INPP5A: variants seen among roughly 807,000 people sequenced by gnomAD.
INPP5A encodes inositol polyphosphate-5-phosphatase A, also known as 43 kDa inositol polyphosphate 5-phophatase.
Under a neutral mutation model 65.2 loss-of-function variants are expected in INPP5A, and 14 were observed. The ratio of observed to expected loss-of-function variants is 0.21; its 90% CI spans 0.14 to 0.34. INPP5A has a LOEUF of 0.34. INPP5A is among the 10% of genes least tolerant of loss of function. The probability of loss-of-function intolerance (pLI) is 1.00; values close to 1 mark genes in which losing one functional copy is unlikely to be tolerated. For missense variants in INPP5A, 431 were observed against 545.6 expected (o/e 0.79, Z 2.09); for synonymous variants, 207 against 208.3 (o/e 0.99, Z 0.05).
Position 132,616,576 on chromosome 10 carries a change from G to GGGGATGGGGTGGTGACAT in INPP5A, c.117+8627_117+8644dup, listed in dbSNP as rs2072036477. On this transcript the variant is annotated intron_variant, in intron 2 of 15. Coordinates refer to ENST00000368594, the MANE Select transcript of INPP5A (RefSeq NM_005539.5). The surrounding 1 kb of genome is among the most constrained non-coding windows in gnomAD (Gnocchi z 4.9). ...GGTGACATAGTGTGTGTTGGTGATA[G>GGGGATGGGGTGGTGACAT]GGGATGGGGTGGTGACATGGGATGT... 6.6e-6 allele frequency among the ~76,000 whole-genome samples: 1 copy of GGGGATGGGGTGGTGACAT among 152,062 alleles called. No individual in the cohort carries two copies. The highest frequency in any genetic ancestry group is 2.4e-5 in the African/African-American group (1 of 41,392).
rs186036830 is a variant in INPP5A at position 132,682,281 on chromosome 10, T to G, written c.307-8111T>G. On this transcript the variant is annotated intron_variant, in intron 4 of 15. Coordinates refer to ENST00000368594, the MANE Select transcript of INPP5A (RefSeq NM_005539.5). Reference sequence around the variant, plus strand: ...GTTGCTGGTCGGGAACAGTCTCAGCTGGGAAGGTGGACAGTGTCCTGGAGA... The same window carrying G: ...GTTGCTGGTCGGGAACAGTCTCAGCGGGGAAGGTGGACAGTGTCCTGGAGA... Among the ~76,000 whole-genome samples, 385 of 150,286 alleles carry G rather than the reference T, an allele frequency of 2.6e-3. 2 individuals carry two copies. Among genetic ancestry groups the G allele is most frequent in the African/African-American group, 9.0e-3 (373 of 41,372 alleles).
chr10:132,544,638 T>TTGA (rs748510695), intron 1 of INPP5A, among the ~76,000 whole-genome samples: 52 of 152,230 alleles, frequency 3.4e-4, no homozygotes, highest in Non-Finnish European at 1.5e-4. Context: ...CGTCTAAATC[T>TTGA]TGAACACCTC....
intron 9 of INPP5A, among the ~76,000 whole-genome samples, chr10:132,736,232 G>A (rs1026059709): frequency 3.3e-5 from 5 of 152,224 alleles, no homozygotes; most frequent in Non-Finnish European, 7.3e-5. Flanking sequence ...TGCCTCGCGC[G>A]GTGGCAACTG....
At chr10:132,634,779 C>T (rs1034627643) in intron 2 of INPP5A, among the ~76,000 whole-genome samples, 3 of 152,238 alleles carry the variant, frequency 2.0e-5, no homozygotes, top group South Asian at 2.1e-4. Context: ...TGAATGTTGC[C>T]GCCACTGCGG....
Position 132,703,538 on chromosome 10 carries a change from TACACACACGTGGCTTCACCCAC to T in INPP5A, c.475-4754_475-4733del, listed in dbSNP as rs1231120536. 3.1e-3 allele frequency among the ~76,000 whole-genome samples: 356 copies of T among 114,918 alleles called. 1 individual carries two copies. Among genetic ancestry groups the T allele is most frequent in the African/African-American group, 0.012 (346 of 28,936 alleles). 75.4% of individuals were successfully genotyped at this position (114,918 alleles called of 152,430 possible). ...ACACACACACACTCACATTTACCCATACACACACGTGGCTTCACCCACACACACACGTGGCTTCACCCCTGCA... is the reference window on the plus strand; with the variant it reads ...ACACACACACACTCACATTTACCCATACACACACGTGGCTTCACCCCTGCA... On this transcript the variant is annotated intron_variant, in intron 6 of 15. Transcript: ENST00000368594.
chr10:132,684,834 G>T (rs562428976), intron 4 of INPP5A, among the ~76,000 whole-genome samples: 15 of 152,188 alleles, frequency 9.9e-5, no homozygotes, highest in African/African-American at 3.4e-4. Context: ...GCATGGTTTC[G>T]TGCCCCTGGG....
In INPP5A at chr10:132,706,600, A is replaced by C. The variant is rs1216501904; in HGVS notation, c.475-1713A>C. On this transcript the variant is annotated intron_variant, in intron 6 of 15. Transcript: ENST00000368594. The surrounding 1 kb of genome is among the most constrained non-coding windows in gnomAD (Gnocchi z 4.7). ...ACGGGAAGGGTTGGCTGGCTTCAGCATCACCCCCACCAGTGTGTGGGGCTT... is the reference window on the plus strand; with the variant it reads ...ACGGGAAGGGTTGGCTGGCTTCAGCCTCACCCCCACCAGTGTGTGGGGCTT... 6.6e-6 allele frequency among the ~76,000 whole-genome samples: 1 copy of C among 152,204 alleles called. No homozygotes were observed. The highest frequency in any genetic ancestry group is 1.5e-5 in the Non-Finnish European group (1 of 68,046).
intron 1 of INPP5A, among the ~76,000 whole-genome samples, chr10:132,596,899 T>G (rs1031313254): frequency 2.4e-5 from 3 of 127,100 alleles, no homozygotes; most frequent in African/African-American, 6.4e-5. Flanking sequence ...GTTTGGAGGC[T>G]CCTGTGCATG....
intron 2 of INPP5A, among the ~76,000 whole-genome samples, chr10:132,620,852 T>TGATA (rs1487655924): frequency 6.6e-6 from 1 of 152,230 alleles, no homozygotes; most frequent in East Asian, 1.9e-4. Flanking sequence ...ATGATACTTT[T>TGATA]TGAATTATTC....
intron 9 of INPP5A, 63 bp downstream of exon 9, chr10:132,726,968 G>A: frequency 1.7e-6 from 2 of 1,205,966 alleles, no homozygotes; most frequent in Non-Finnish European, 2.3e-6. Context: ...GAAAACAGTG[G>A]AAGGAGCGTG....
At chr10:132,680,631 G>A (rs1037842442) in intron 4 of INPP5A, among the ~76,000 whole-genome samples, 6 of 152,254 alleles carry the variant, frequency 3.9e-5, no homozygotes, top group South Asian at 2.1e-4. Flanking sequence ...GGCCAGAGCC[G>A]ACTCCCTCAG....
chr10:132,635,983 C>CAA lies in INPP5A; in HGVS notation c.118-9868_118-9867dup, dbSNP rs202003054. ...ACAGAGCGAAATCCTATCTCAAAGACAAAAAAAAAAAAAAAAAAGGCATAT... is the reference window on the plus strand; with the variant it reads ...ACAGAGCGAAATCCTATCTCAAAGACAAAAAAAAAAAAAAAAAAAAGGCATAT... On this transcript the variant is annotated intron_variant, in intron 2 of 15. Coordinates refer to ENST00000368594, the MANE Select transcript of INPP5A (RefSeq NM_005539.5). Among the ~76,000 whole-genome samples the CAA allele has an allele frequency of 5.1e-3, 253 of 49,236 alleles. 1 individual carries two copies. The highest frequency in any genetic ancestry group is 0.015 in the African/African-American group (240 of 16,326). 32.3% of individuals were successfully genotyped at this position (49,236 alleles called of 152,430 possible).
rs1564908495 is a variant in INPP5A at position 132,538,083 on chromosome 10, G to A, written c.-14G>A. On this transcript the variant is annotated 5_prime_UTR_variant, in exon 1 of 16. Transcript: ENST00000368594. This position sits in a 1 kb window ranked among gnomAD's most constrained non-coding sequence, Gnocchi z 4.1. Reference sequence around the variant, plus strand: ...CGCCGCCGCCCAGCCCAGCGCCCGCGCCGCCCGGGCACCATGGCGGGGAAG... The same window carrying A: ...CGCCGCCGCCCAGCCCAGCGCCCGCACCGCCCGGGCACCATGGCGGGGAAG... 1.7e-5 allele frequency: 20 copies of A among 1,159,102 alleles called. No homozygotes were observed. The highest frequency in any genetic ancestry group is 2.1e-5 in the Non-Finnish European group (20 of 941,266). The allele number at this position is 1,159,102 out of a possible 1,614,324, so 71.8% of individuals were successfully genotyped here. A position where few individuals can be genotyped will look rare whatever the true frequency, so the allele number is the denominator to read the frequency against.
chr10:132,649,079 C>G (rs1296558395), intron 3 of INPP5A, among the ~76,000 whole-genome samples: 1 of 152,118 alleles, frequency 6.6e-6, no homozygotes, highest in Non-Finnish European at 1.5e-5. Context: ...GCTCATTTTC[C>G]CTGTGTTTCG....
chr10:132,551,292 G>A lies in INPP5A; in HGVS notation c.75+13121G>A, dbSNP rs772694570. Among the ~76,000 whole-genome samples, 2 of 152,246 alleles carry A rather than the reference G, an allele frequency of 1.3e-5. No homozygotes were observed. The highest frequency in any genetic ancestry group is 2.4e-5 in the African/African-American group (1 of 41,468). On this transcript the variant is annotated intron_variant, in intron 1 of 15. Coordinates refer to ENST00000368594, the MANE Select transcript of INPP5A (RefSeq NM_005539.5). The surrounding 1 kb of genome is among the most constrained non-coding windows in gnomAD (Gnocchi z 5.3). ...ACTCTGACCACATGGATGAGCCTGC[G>A]AGTGTGAAGCTGAGAACTGGGTTGA...
chr10:132,677,523 T>A (rs2072982816), intron 4 of INPP5A, among the ~76,000 whole-genome samples: 1 of 152,240 alleles, frequency 6.6e-6, no homozygotes, highest in Non-Finnish European at 1.5e-5. Context: ...AGCCCAGTGC[T>A]GGTAGCAGGC....
At chr10:132,671,328 C>G (rs2072887527) in intron 4 of INPP5A, among the ~76,000 whole-genome samples, 1 of 147,710 alleles carries the variant, frequency 6.8e-6, no homozygotes, top group Non-Finnish European at 1.5e-5. Context: ...TGTGCCCTCC[C>G]TGCTTCGGAC....
intron 4 of INPP5A, among the ~76,000 whole-genome samples, chr10:132,672,471 C>T (rs2072903502): frequency 6.6e-6 from 1 of 152,142 alleles, no homozygotes; most frequent in Admixed American, 6.6e-5. Flanking sequence ...GGGTGGGTCT[C>T]ATGAGATCTG....
intron 6 of INPP5A, among the ~76,000 whole-genome samples, chr10:132,708,080 C>T (rs1415991950): frequency 6.6e-6 from 1 of 152,184 alleles, no homozygotes. Context: ...CATATCTTCC[C>T]CCCACCCCAC....
Sources: gnomAD v4.1 joint callset for allele counts (sites outside exome capture counted in the v4.1 genomes callset) on GRCh38, gnomAD v4.1.1 for gene constraint, Gnocchi (gnomAD v3.1) non-coding constraint, MANE v1.5 for transcripts, NCBI Gene and HGNC (gene_info 2026-07-23, HGNC 2026-07-21) for gene names.